Variants in CPA6 observed in about 807,000 individuals in gnomAD.
CPA6 encodes carboxypeptidase A6.
In CPA6, 58 loss-of-function variants were observed where a neutral mutation model predicts 63.3. The ratio of observed to expected loss-of-function variants is 0.92; its 90% CI spans 0.74 to 1.14. The LOEUF (loss-of-function observed/expected upper bound fraction) is 1.14, where lower values mean the gene tolerates loss of function less well. CPA6 is among the 50% of genes most tolerant of loss of function. The pLI, the probability that CPA6 is intolerant of heterozygous loss-of-function variation, is 0.00. For missense variants in CPA6, 565 were observed against 526.6 expected, an observed-to-expected ratio of 1.07 and a Z score of -0.71; for synonymous variants, 185 against 179.0, an observed-to-expected ratio of 1.03 and a Z score of -0.27.
intron 2 of CPA6, among the ~76,000 whole-genome samples, chr8:67,571,142 A>G (rs946156531): frequency 6.6e-6 from 1 of 152,234 alleles, no homozygotes; most frequent in Non-Finnish European, 1.5e-5. Context: ...TCACTTCATC[A>G]AGAGGACATA....
intron 2 of CPA6, among the ~76,000 whole-genome samples, chr8:67,594,881 G>A (rs1445880442): frequency 2.0e-5 from 3 of 152,178 alleles, no homozygotes; most frequent in Non-Finnish European, 2.9e-5. Flanking sequence ...CTCTCAACTC[G>A]TCAAAGTCAT....
At chr8:67,481,054 T>C (rs2128960857) in intron 8 of CPA6, among the ~76,000 whole-genome samples, 1 of 152,364 alleles carries the variant, frequency 6.6e-6, no homozygotes, top group African/African-American at 2.4e-5. Context: ...ATGTTTTGAA[T>C]AGAAGTCTCT....
At chr8:67,447,482 T>C (rs1486662897) in intron 8 of CPA6, among the ~76,000 whole-genome samples, 1 of 149,540 alleles carries the variant, frequency 6.7e-6, no homozygotes, top group African/African-American at 2.5e-5. Context: ...AATAGGGCCC[T>C]GGGCTGAAGG....
chr8:67,473,340 C>T (rs1435507893), intron 8 of CPA6, among the ~76,000 whole-genome samples: 1 of 151,988 alleles, frequency 6.6e-6, no homozygotes, highest in Non-Finnish European at 1.5e-5. Flanking sequence ...TAATAGCTGA[C>T]TAATATTTCT....
At chr8:67,681,915 T>C (rs770734461) in intron 1 of CPA6, among the ~76,000 whole-genome samples, 8 of 152,050 alleles carry the variant, frequency 5.3e-5, no homozygotes, top group Non-Finnish European at 1.2e-4. Flanking sequence ...AAAATTAGCA[T>C]GTCAATTTCT....
At chr8:67,688,120 C>A (rs894513552) in intron 1 of CPA6, among the ~76,000 whole-genome samples, 1 of 152,102 alleles carries the variant, frequency 6.6e-6, no homozygotes, top group South Asian at 2.1e-4. Context: ...GCTGAGATCA[C>A]ATCACTGAAC....
chr8:67,735,479 C>T (rs545328391), intron 1 of CPA6: 1 of 152,120 alleles, frequency 6.6e-6, no homozygotes. Flanking sequence ...CACTAAGATG[C>T]TTTCAGTCTT....
At chr8:67,517,136 T>A (rs1158576729) in intron 3 of CPA6, among the ~76,000 whole-genome samples, 4 of 148,870 alleles carry the variant, frequency 2.7e-5, no homozygotes, top group African/African-American at 1.0e-4. Context: ...TTTTTTTTTT[T>A]AAAACCAACC....
intron 2 of CPA6, among the ~76,000 whole-genome samples, chr8:67,579,875 CAG>C (rs1323145258): frequency 6.6e-6 from 1 of 152,246 alleles, no homozygotes; most frequent in East Asian, 1.9e-4. Context: ...GTGGTTAACA[CAG>C]AGACCATATG....
chr8:67,676,606 C>T (rs1281310509), intron 1 of CPA6, among the ~76,000 whole-genome samples: 1 of 152,190 alleles, frequency 6.6e-6, no homozygotes, highest in Non-Finnish European at 1.5e-5. Context: ...ATTAATTGCA[C>T]AGAAATAACT....
At chr8:67,645,097 G>A (rs1020122596) in intron 1 of CPA6, among the ~76,000 whole-genome samples, 43 of 152,090 alleles carry the variant, frequency 2.8e-4, no homozygotes, top group Non-Finnish European at 1.0e-4. Context: ...ATTCTCAGGG[G>A]TATCAAAAAA....
At chr8:67,510,142 T>C (rs1401669685) in intron 4 of CPA6, among the ~76,000 whole-genome samples, 1 of 152,190 alleles carries the variant, frequency 6.6e-6, no homozygotes, top group African/African-American at 2.4e-5. Context: ...GGGCAAACTC[T>C]GAATAATTTC....
chr8:67,544,824 G>A lies in CPA6; in HGVS notation c.193-26777C>T, dbSNP rs140751413. 1.4e-3 allele frequency among the ~76,000 whole-genome samples: 207 copies of A among 152,156 alleles called. 1 individual carries two copies. The highest frequency in any genetic ancestry group is 4.8e-3 in the African/African-American group (200 of 41,516). Reference sequence around the variant, plus strand: ...CCAGGATGCAAGCAGAGCTTACTGCGACTCCCCCTTCTTACCCACGCAGCT... The same window carrying A: ...CCAGGATGCAAGCAGAGCTTACTGCAACTCCCCCTTCTTACCCACGCAGCT... On this transcript the variant is annotated intron_variant, in intron 2 of 10. Transcript: ENST00000297770.
intron 9 of CPA6, among the ~76,000 whole-genome samples, chr8:67,433,232 C>T (rs182025327): frequency 6.6e-6 from 1 of 152,330 alleles, no homozygotes; most frequent in East Asian, 1.9e-4. Flanking sequence ...AACCCAATTT[C>T]CTCCCAATCA....
At chr8:67,549,443 T>C (rs1289168791) in intron 2 of CPA6, among the ~76,000 whole-genome samples, 2 of 152,230 alleles carry the variant, frequency 1.3e-5, no homozygotes, top group African/African-American at 4.8e-5. Context: ...AACATATTCA[T>C]AACCTTCTGA....
chr8:67,459,380 A>C (rs1810749186), intron 8 of CPA6, among the ~76,000 whole-genome samples: 1 of 152,200 alleles, frequency 6.6e-6, no homozygotes, highest in African/African-American at 2.4e-5. Flanking sequence ...CCTTTAGTAG[A>C]TGAACAGATG....
intron 6 of CPA6, among the ~76,000 whole-genome samples, chr8:67,488,815 A>G (rs1327958064): frequency 2.0e-5 from 3 of 152,160 alleles, no homozygotes; most frequent in African/African-American, 7.2e-5. Context: ...CTTTGTAGCA[A>G]TTGTGAATGG....
intron 1 of CPA6, among the ~76,000 whole-genome samples, chr8:67,702,435 G>C (rs946623218): frequency 1.3e-5 from 2 of 152,116 alleles, no homozygotes; most frequent in Non-Finnish European, 2.9e-5. Flanking sequence ...CCCCCACCAG[G>C]AATGTCAGGT....
At chr8:67,563,743 C>T (rs1197605296) in intron 2 of CPA6, among the ~76,000 whole-genome samples, 1 of 152,180 alleles carries the variant, frequency 6.6e-6, no homozygotes. Context: ...AACTTCTTTT[C>T]TCATGCTTTC....
Sources: gnomAD v4.1 joint callset for allele counts (sites outside exome capture counted in the v4.1 genomes callset) on GRCh38, gnomAD v4.1.1 for gene constraint, MANE v1.5 for transcripts, NCBI Gene and HGNC (gene_info 2026-07-23, HGNC 2026-07-21) for gene names.